Variants in THOP1 observed in about 807,000 individuals in gnomAD.
THOP1 encodes thimet oligopeptidase 1.
A neutral mutation model predicts 71.8 loss-of-function variants in THOP1; 49 were observed. That is an observed-to-expected ratio of 0.68 (90% CI 0.54 to 0.87). The LOEUF (loss-of-function observed/expected upper bound fraction) is 0.87, where lower values mean the gene tolerates loss of function less well. Among genes scored for constraint, THOP1 ranks in the 40% least tolerant of loss-of-function variants. The pLI is 0.00. For missense variants in THOP1, 843 were observed against 975.6 expected (o/e 0.86, Z 1.81); for synonymous variants, 426 against 421.5 (o/e 1.01, Z -0.13).
At position 2,801,417 on chromosome 19, in the gene THOP1, G is replaced by T. The variant is rs1259147808; in HGVS notation, c.589+1626G>T. Among the ~76,000 whole-genome samples, 2 of 152,172 alleles carry T rather than the reference G, an allele frequency of 1.3e-5. No homozygotes were observed. The highest frequency in any genetic ancestry group is 6.5e-5 in the Admixed American group (1 of 15,284). Reference sequence around the variant, plus strand: ...AACTCTTTGGGGTGCCGTTCCATTTGTCGGGCCTGAGGGGTCTCCCGTGCA... The same window carrying T: ...AACTCTTTGGGGTGCCGTTCCATTTTTCGGGCCTGAGGGGTCTCCCGTGCA... On this transcript the variant is annotated intron_variant, in intron 5 of 12. Transcript: ENST00000307741. The surrounding 1 kb of genome is among the most constrained non-coding windows in gnomAD (Gnocchi z 5.1).
chr19:2,813,110 G>C lies in THOP1; in HGVS notation c.1909-5G>C. Reference sequence around the variant, plus strand: ...CCCGGCCACAGTGCCCTGTCTCCTCGGCAGGTTGGCATGGATTACAGAAGC... The same window carrying C: ...CCCGGCCACAGTGCCCTGTCTCCTCCGCAGGTTGGCATGGATTACAGAAGC... On this transcript the variant is annotated splice_polypyrimidine_tract_variant and splice_region_variant and intron_variant, in intron 12 of 12. Coordinates refer to ENST00000307741, the MANE Select transcript of THOP1 (RefSeq NM_003249.5). 6.2e-7 allele frequency: 1 copy of C among 1,606,824 alleles called. No individual in the cohort carries two copies. The highest frequency in any genetic ancestry group is 8.5e-7 in the Non-Finnish European group (1 of 1,176,478).
rs375042476 is a variant in THOP1, at chr19:2,805,213, G to C, written c.750+37G>C. The stretch of plus-strand genomic sequence containing the variant: ...CGGCCAGGGGGCCCCAGAACAGTGG[G>C]TCTGGAGCTTGTGGGGCCCGTCTGC... On this transcript the variant is annotated intron_variant, in intron 6 of 12. Transcript: ENST00000307741. The surrounding 1 kb of genome is among the most constrained non-coding windows in gnomAD (Gnocchi z 6.6). The C allele has an allele frequency of 4.2e-5, 66 of 1,589,064 alleles. 1 individual carries two copies. In the African/African-American group the frequency reaches 7.1e-4, roughly 17 times the overall value.
At chr19:2,812,736 C>T (rs888980337) in intron 12 of THOP1, among the ~76,000 whole-genome samples, 2 of 152,238 alleles carry the variant, frequency 1.3e-5, no homozygotes, top group Non-Finnish European at 2.9e-5. Context: ...GTCCCGCAGT[C>T]ACAGGGCTGG....
In THOP1 at chr19:2,813,786, G is replaced by C. The variant is rs1320327699; in HGVS notation, c.*510G>C. On this transcript the variant is annotated 3_prime_UTR_variant, in exon 13 of 13. Transcript: ENST00000307741. ...CCAGTTCTGCCAGCCAGGCCGGCCT[G>C]GGGGGTCTGAGAGACTTCGGCTTCC... 1 of 153,512 alleles carries C rather than the reference G, an allele frequency of 6.5e-6. No individual in the cohort carries two copies. The highest frequency in any genetic ancestry group is 6.4e-5 in the Admixed American group (1 of 15,546). 9.5% of individuals were successfully genotyped at this position (153,512 alleles called of 1,614,324 possible).
At chr19:2,812,574 G>C (rs1172872330) in intron 12 of THOP1, among the ~76,000 whole-genome samples, 1 of 152,206 alleles carries the variant, frequency 6.6e-6, no homozygotes, top group African/African-American at 2.4e-5. Flanking sequence ...GGGGGCTGTA[G>C]AGGTGGAGTC....
chr19:2,811,994 G>T (rs779054422), intron 12 of THOP1: 4 of 1,037,088 alleles, frequency 3.9e-6, no homozygotes, highest in South Asian at 3.5e-5. Context: ...TCTTGGTGCG[G>T]TGCTGCCCAC....
chr19:2,802,514 A>ACGACACCCACACCTCC (rs1473910370), intron 5 of THOP1, among the ~76,000 whole-genome samples: 2 of 26,146 alleles, frequency 7.6e-5, no homozygotes, highest in Non-Finnish European at 1.7e-4. Flanking sequence ...CCAACACCTC[A>ACGACACCCACACCTCC]CGACACCCAC....
chr19:2,798,006 A>C (rs1916059084), intron 4 of THOP1, among the ~76,000 whole-genome samples: 1 of 152,070 alleles, frequency 6.6e-6, no homozygotes, highest in Non-Finnish European at 1.5e-5. Context: ...GACAAGAGCC[A>C]GTTATTTTTA....
Position 2,805,055 on chromosome 19 carries a change from T to C in THOP1, c.629T>C (p.Met210Thr). The change falls in exon 6 of 13, where the codon ATG becomes ACG. Residue 210 changes from methionine to threonine, a missense_variant. Met to Thr is a moderately conservative substitution (Grantham distance 81). Transcript: ENST00000307741. The surrounding 1 kb of genome is among the most constrained non-coding windows in gnomAD (Gnocchi z 6.6). ...PEDFLNSLEKMEDGKLKVTLK... is the reference protein window; with the variant it reads ...PEDFLNSLEKTEDGKLKVTLK... ...GACTTTCTGAACTCCCTGGAGAAGATGGAGGACGGCAAGTTGAAGGTCACC... is the reference window on the plus strand; with the variant it reads ...GACTTTCTGAACTCCCTGGAGAAGACGGAGGACGGCAAGTTGAAGGTCACC... 3 of 1,612,802 alleles carry C rather than the reference T, an allele frequency of 1.9e-6. No homozygotes were observed. The highest frequency in any genetic ancestry group is 1.7e-4 in the Middle Eastern group (1 of 6,056).
chr19:2,796,019 A>G, intron 3 of THOP1, 62 bp from the exon 4 acceptor site: 1 of 1,385,552 alleles, frequency 7.2e-7, no homozygotes, highest in Non-Finnish European at 1.0e-6. Context: ...GAAACTGCCA[A>G]ACTGCTCTTT....
In THOP1 at chr19:2,799,819, G is replaced by T. The variant is rs527822778; in HGVS notation, c.589+28G>T. The T allele has an allele frequency of 6.9e-6, 11 of 1,596,318 alleles. No individual in the cohort carries two copies. In the East Asian group the frequency reaches 2.2e-4, roughly 32 times the overall value. The stretch of plus-strand genomic sequence containing the variant: ...AGGGGCCGAGCAGTGGGGCACGGGT[G>T]GCCATCGGTCCTGGGACTCAGTGCA... On this transcript the variant is annotated intron_variant, in intron 5 of 12. Transcript: ENST00000307741.
At chr19:2,799,646 G>C in intron 4 of THOP1, 43 bp from the exon 5 acceptor site, 4 of 1,416,246 alleles carry the variant, frequency 2.8e-6, no homozygotes, top group Non-Finnish European at 2.0e-6. Flanking sequence ...CGCGGAGCCC[G>C]CCCCGGTCTC....
At position 2,810,674 on chromosome 19, in the gene THOP1, G is replaced by C; in HGVS notation, c.1677G>C (p.Lys559Asn). The C allele has an allele frequency of 3.2e-6, 5 of 1,564,620 alleles. No homozygotes were observed. The highest frequency in any genetic ancestry group is 4.3e-6 in the Non-Finnish European group (5 of 1,154,256). Reference protein sequence around the residue: ...LFNLRQIVLAKVDQALHTQTD... With the variant: ...LFNLRQIVLANVDQALHTQTD... Reference sequence around the variant, plus strand: ...ACCTGCGCCAGATCGTCCTCGCCAAGGTGGACCAGGCCCTGCACACGCAGA... The same window carrying C: ...ACCTGCGCCAGATCGTCCTCGCCAACGTGGACCAGGCCCTGCACACGCAGA... The change falls in exon 11 of 13, where the codon AAG (lysine) becomes AAC (asparagine). Residue 559 changes from lysine to asparagine, a missense_variant. Physicochemically the swap from Lys to Asn is moderately conservative, Grantham distance 94. Coordinates refer to ENST00000307741, the MANE Select transcript of THOP1 (RefSeq NM_003249.5).
chr19:2,812,368 T>G, intron 12 of THOP1: 2 of 1,518,088 alleles, frequency 1.3e-6, no homozygotes, highest in Non-Finnish European at 1.8e-6. Context: ...CTGGGCAGCC[T>G]GCAGGTACCT....
chr19:2,793,628 T>G (rs922471095), intron 2 of THOP1, among the ~76,000 whole-genome samples: 1 of 151,894 alleles, frequency 6.6e-6, no homozygotes, highest in Non-Finnish European at 1.5e-5. Context: ...AGTTGAAGGT[T>G]GCAGTGAGCC....
At position 2,810,636 on chromosome 19, in the gene THOP1, C is replaced by G; in HGVS notation, c.1643-4C>G. 6.4e-7 allele frequency: 1 copy of G among 1,551,178 alleles called. No homozygotes were observed. Among genetic ancestry groups the G allele is most frequent in the East Asian group, 2.4e-5 (1 of 41,088 alleles). On this transcript the variant is annotated splice_polypyrimidine_tract_variant and splice_region_variant and intron_variant, in intron 10 of 12. Coordinates refer to ENST00000307741, the MANE Select transcript of THOP1 (RefSeq NM_003249.5). ...GGCCAGCTCTCTCCTTCCCTCCCGC[C>G]CAGGCCTCTTCAACCTGCGCCAGAT...
chr19:2,792,216 C>A (rs908363886), intron 2 of THOP1, among the ~76,000 whole-genome samples: 3 of 152,338 alleles, frequency 2.0e-5, no homozygotes, highest in Admixed American at 2.0e-4. Context: ...CCAGAGCCCC[C>A]ACTACAGGCT....
rs751417231 is a variant in THOP1, at chr19:2,811,781, C to G, written c.1908+47C>G. On this transcript the variant is annotated intron_variant, in intron 12 of 12. Coordinates refer to ENST00000307741, the MANE Select transcript of THOP1 (RefSeq NM_003249.5). ...GGAGGGCGTCCTGAACGGCAAGGTA[C>G]GCGGGGACTGGGGACAGGGAGGGCG... The G allele has an allele frequency of 4.5e-6, 7 of 1,561,344 alleles. No homozygotes were observed. The Admixed American group carries it at 1.2e-4, about 28-fold the overall frequency.
intron 9 of THOP1, chr19:2,809,946 A>T: frequency 3.1e-6 from 1 of 321,612 alleles, no homozygotes; most frequent in South Asian, 4.8e-5. Flanking sequence ...GAGCAGGGAG[A>T]TGCAGCATGC....
Sources: allele counts gnomAD v4.1 joint callset (sites outside exome capture counted in the v4.1 genomes callset), GRCh38; gene constraint gnomAD v4.1.1; non-coding constraint Gnocchi (gnomAD v3.1); transcripts MANE v1.5; gene names NCBI Gene and HGNC (gene_info 2026-07-23, HGNC 2026-07-21).